Variants in PSD4 observed in about 807,000 individuals in gnomAD.
PSD4 encodes pleckstrin and Sec7 domain containing 4.
PSD4 carries 59 observed loss-of-function variants against 112.5 expected under a neutral mutation model. That is an observed-to-expected ratio of 0.52 (90% CI 0.43 to 0.65). The LOEUF (loss-of-function observed/expected upper bound fraction) is 0.65. Among genes scored for constraint, PSD4 ranks in the 30% least tolerant of loss-of-function variants. PSD4 has a pLI of 0.00. For synonymous variants in PSD4, 533 were observed against 540.0 expected (o/e 0.99, Z 0.18); for missense variants, 1,267 against 1,352.6 (o/e 0.94, Z 0.99).
In PSD4 at chr2:113,183,481, C is replaced by T. The variant is rs1688210471; in HGVS notation, c.1025C>T (p.Pro342Leu). The change falls in exon 2 of 17, where the codon CCT (proline) becomes CTT (leucine). Residue 342 changes from proline (P) to leucine (L), a missense_variant. Pro to Leu is a moderately conservative substitution (Grantham distance 98). Coordinates refer to ENST00000245796, the MANE Select transcript of PSD4 (RefSeq NM_012455.3). ...WASVAAAEGA[P>L]AAPPGHGESE... ...TCAGTGGCTGCCGCTGAGGGGGCTC[C>T]TGCAGCACCTCCTGGTCACGGGGAG... 2 of 1,588,610 alleles carry T rather than the reference C, an allele frequency of 1.3e-6. No individual in the cohort carries two copies. The highest frequency in any genetic ancestry group is 1.7e-6 in the Non-Finnish European group (2 of 1,168,834).
At chr2:113,194,501 C>T (rs1327186789) in intron 10 of PSD4, among the ~76,000 whole-genome samples, 2 of 152,204 alleles carry the variant, frequency 1.3e-5, no homozygotes, top group Non-Finnish European at 2.9e-5. Flanking sequence ...ATCACAGTCA[C>T]GCATCACTTA....
chr2:113,175,358 T>TCC (rs1309967923), intron 1 of PSD4: 1 of 151,730 alleles, frequency 6.6e-6, no homozygotes, highest in East Asian at 1.9e-4. Context: ...TCTCTCTCTC[T>TCC]CTCTGTGTGT....
chr2:113,182,809 G>A lies in PSD4; in HGVS notation c.353G>A (p.Ser118Asn), dbSNP rs896947382. ...GGTGTGGAGCTCACACACCTGGGGA[G>A]CCCCTCTGCCCAGAGGGAGCACAGG... ...GSGVELTHLG[S>N]PSAQREHRQN... The change falls in exon 2 of 17, where the codon AGC becomes AAC. Residue 118 changes from serine (S) to asparagine (N), a missense_variant. By Grantham distance (46) the Ser-to-Asn change is conservative. Around this residue, in one of 2 missense-constraint regions of PSD4, gnomAD observed 723 missense variants for 704.0 expected, o/e 1.03. Coordinates refer to ENST00000245796, the MANE Select transcript of PSD4 (RefSeq NM_012455.3). 2 of 1,607,332 alleles carry A rather than the reference G, an allele frequency of 1.2e-6. No homozygotes were observed. Among genetic ancestry groups the A allele is most frequent in the South Asian group, 2.2e-5 (2 of 90,414 alleles).
At position 113,183,003 on chromosome 2, in the gene PSD4, G is replaced by T. The variant is rs867735643; in HGVS notation, c.547G>T (p.Gly183Trp). ...ELEKTEGLKA[G>W]LKCCLPTPPV... Reference sequence around the variant, plus strand: ...GGAGAAGACGGAAGGGCTCAAGGCTGGGCTGAAATGCTGTCTCCCCACGCC... The same window carrying T: ...GGAGAAGACGGAAGGGCTCAAGGCTTGGCTGAAATGCTGTCTCCCCACGCC... Residue 183 changes from glycine to tryptophan, a missense_variant, in exon 2 of 17, where the codon GGG (glycine) becomes TGG (tryptophan). This residue lies in a region of PSD4 where 723 missense variants were observed against 704.0 expected (regional missense o/e 1.03). Coordinates refer to ENST00000245796, the MANE Select transcript of PSD4 (RefSeq NM_012455.3). 3 of 1,614,088 alleles carry T rather than the reference G, an allele frequency of 1.9e-6. No homozygotes were observed. The highest frequency in any genetic ancestry group is 2.5e-6 in the Non-Finnish European group (3 of 1,179,996).
At chr2:113,190,454 G>T (rs544938926) in intron 5 of PSD4, among the ~76,000 whole-genome samples, 275 of 152,084 alleles carry the variant, frequency 1.8e-3, no homozygotes, top group Non-Finnish European at 3.4e-3. Flanking sequence ...TTATTTTTTT[G>T]AGACAGGATC....
chr2:113,184,549 T>C (rs1330152977), intron 2 of PSD4, among the ~76,000 whole-genome samples: 1 of 152,072 alleles, frequency 6.6e-6, no homozygotes, highest in Non-Finnish European at 1.5e-5. Flanking sequence ...AATTTTTGTA[T>C]TTTTAGTAGA....
At chr2:113,196,025 T>G in intron 11 of PSD4, 122 bp from the exon 12 acceptor site, 2 of 1,278,506 alleles carry the variant, frequency 1.6e-6, no homozygotes, top group Non-Finnish European at 2.2e-6. Context: ...GGACTCCTTG[T>G]GGGGGGTCCT....
At position 113,197,755 on chromosome 2, in the gene PSD4, A is replaced by C; in HGVS notation, c.2466A>C (p.Glu822Asp). Residue 822 changes from glutamate (E) to aspartate (D), a missense_variant, in exon 14 of 17, where the codon GAA (glutamate) becomes GAC (aspartate). This residue lies in a region of PSD4 where 544 missense variants were observed against 648.6 expected (regional missense o/e 0.84). Transcript: ENST00000245796. Reference sequence around the variant, plus strand: ...GCCCCTGTGACTGGTAGCAGGGAGAAGACCACTGTCTGGAGGGGGAGAGCT... The same window carrying C: ...GCCCCTGTGACTGGTAGCAGGGAGACGACCACTGTCTGGAGGGGGAGAGCT... ...GMVLYFLKQG[E>D]DHCLEGESLV... The C allele has an allele frequency of 6.2e-7, 1 of 1,608,544 alleles. No homozygotes were observed. The highest frequency in any genetic ancestry group is 8.5e-7 in the Non-Finnish European group (1 of 1,175,520).
intron 12 of PSD4, chr2:113,196,508 C>A: frequency 1.7e-6 from 1 of 592,340 alleles, no homozygotes; most frequent in Non-Finnish European, 2.8e-6. Context: ...GTAGGAGAAC[C>A]CAGACAAAAC....
At position 113,174,001 on chromosome 2, in the gene PSD4, G is replaced by C. The variant is rs182834124; in HGVS notation, c.-165G>C. Reference sequence around the variant, plus strand: ...CACTGGGCAAGCCGACTGTGAGCCAGGAAGTGCTCTTGGGGAGCCCAGGCC... The same window carrying C: ...CACTGGGCAAGCCGACTGTGAGCCACGAAGTGCTCTTGGGGAGCCCAGGCC... On this transcript the variant is annotated 5_prime_UTR_variant, in exon 1 of 17. Transcript: ENST00000245796. 94 of 152,650 alleles carry C rather than the reference G, an allele frequency of 6.2e-4. 1 individual carries two copies. The highest frequency in any genetic ancestry group is 2.2e-3 in the African/African-American group (93 of 41,582). 9.5% of individuals were successfully genotyped at this position (152,650 alleles called of 1,614,324 possible).
rs1377304274 is a variant in PSD4, at chr2:113,202,652, A to G, written c.*1237A>G. 1 of 152,280 alleles carries G rather than the reference A, an allele frequency of 6.6e-6. No homozygotes were observed. Among genetic ancestry groups the G allele is most frequent in the East Asian group, 1.9e-4 (1 of 5,196 alleles). The allele number at this position is 152,280 out of a possible 1,614,324, so 9.4% of individuals were successfully genotyped here. ...GGCTGGGCCGGAGGGACCAGCCACCATTGTCTCTGTTCAGCCAAGTGTGCA... is the reference window on the plus strand; with the variant it reads ...GGCTGGGCCGGAGGGACCAGCCACCGTTGTCTCTGTTCAGCCAAGTGTGCA... On this transcript the variant is annotated 3_prime_UTR_variant, in exon 17 of 17. Transcript: ENST00000245796.
intron 5 of PSD4, among the ~76,000 whole-genome samples, chr2:113,188,537 C>T (rs1466905788): frequency 6.6e-6 from 1 of 152,130 alleles, no homozygotes; most frequent in Admixed American, 6.5e-5. Context: ...GGATTATAGG[C>T]CTGAGCCGCT....
chr2:113,176,626 A>G (rs1477370758), intron 1 of PSD4, among the ~76,000 whole-genome samples: 1 of 152,240 alleles, frequency 6.6e-6, no homozygotes, highest in Non-Finnish European at 1.5e-5. Context: ...ACAGAACTCA[A>G]CTGATGTGAC....
intron 1 of PSD4, among the ~76,000 whole-genome samples, chr2:113,179,665 G>A (rs1283890244): frequency 6.6e-6 from 1 of 152,160 alleles, no homozygotes; most frequent in Non-Finnish European, 1.5e-5. Context: ...CAGCCCAGTA[G>A]GTCTCAGCCT....
chr2:113,202,491 T>C lies in PSD4; in HGVS notation c.*1076T>C, dbSNP rs1688801114. ...GGTGCCTGGACCCCTTCCCCATCTC[T>C]GGCAGCTCAGAGGGTCTCTGCTGCT... is the stretch of plus-strand genomic sequence containing the variant. On this transcript the variant is annotated 3_prime_UTR_variant, in exon 17 of 17. Transcript: ENST00000245796. 6.6e-6 allele frequency: 1 copy of C among 152,540 alleles called. No homozygotes were observed. The highest frequency in any genetic ancestry group is 1.5e-5 in the Non-Finnish European group (1 of 68,254). 9.4% of individuals were successfully genotyped at this position (152,540 alleles called of 1,614,324 possible).
chr2:113,189,368 C>T (rs201866329), intron 5 of PSD4, among the ~76,000 whole-genome samples: 11 of 123,434 alleles, frequency 8.9e-5, no homozygotes, highest in African/African-American at 2.5e-4. Flanking sequence ...TATATATATA[C>T]ACACACACAT....
Position 113,193,260 on chromosome 2 carries a change from G to A in PSD4, c.1922G>A (p.Ser641Asn), listed in dbSNP as rs567086694. Residue 641 changes from serine (S) to asparagine (N), a missense_variant and splice_region_variant, in exon 8 of 17, where the codon AGC (serine) becomes AAC (asparagine). Coordinates refer to ENST00000245796, the MANE Select transcript of PSD4 (RefSeq NM_012455.3). ...GGQSLDRALR[S>N]FLQALVLSGE... The stretch of plus-strand genomic sequence containing the variant: ...TTGACCCTGGCCCTCCTTTGCAGGA[G>A]CTTCCTCCAGGCCTTGGTGCTCAGT... 1.8e-5 allele frequency: 29 copies of A among 1,581,112 alleles called. No individual in the cohort carries two copies. The African/African-American group carries it at 3.6e-4, about 19-fold the overall frequency.
rs767450392 is a variant in PSD4 at position 113,186,056 on chromosome 2, T to G, written c.1429T>G (p.Ser477Ala). Residue 477 changes from serine (S) to alanine (A), a missense_variant, in exon 5 of 17, where the codon TCA becomes GCA. This residue lies in a region of PSD4 where 723 missense variants were observed against 704.0 expected (regional missense o/e 1.03). Coordinates refer to ENST00000245796, the MANE Select transcript of PSD4 (RefSeq NM_012455.3). Reference sequence around the variant, plus strand: ...CAGCCCGCAGCTTCAACACCACAGCTCAGGCATTTTGCCCAAGTGGACACT... The same window carrying G: ...CAGCCCGCAGCTTCAACACCACAGCGCAGGCATTTTGCCCAAGTGGACACT... ...EGSPQLQHHS[S>A]GILPKWTLDA... is the part of the protein sequence containing the mutation. 9 of 1,614,176 alleles carry G rather than the reference T, an allele frequency of 5.6e-6. 1 individual carries two copies. The South Asian group carries it at 8.8e-5, about 16-fold the overall frequency.
intron 13 of PSD4, 29 bp from the exon 14 acceptor site, chr2:113,197,718 C>T: frequency 6.2e-7 from 1 of 1,608,542 alleles, no homozygotes; most frequent in Non-Finnish European, 8.5e-7. Context: ...CTGATGATAA[C>T]CTCTTCTCTG....
Sources: gnomAD v4.1 joint callset for allele counts (sites outside exome capture counted in the v4.1 genomes callset) on GRCh38, gnomAD v4.1.1 for gene constraint, gnomAD v4.1.1 regional missense constraint, MANE v1.5 for transcripts, NCBI Gene and HGNC (gene_info 2026-07-23, HGNC 2026-07-21) for gene names.